Variants in ABTB2 observed in about 807,000 individuals in gnomAD.
The protein encoded by ABTB2 is ankyrin repeat and BTB/POZ domain-containing protein 2.
Under a neutral mutation model 104.1 loss-of-function variants are expected in ABTB2, and 56 were observed. The ratio of observed to expected loss-of-function variants is 0.54; its 90% CI spans 0.43 to 0.67. ABTB2 has a LOEUF of 0.67. ABTB2 is among the 30% of genes least tolerant of loss of function. ABTB2 has a pLI of 0.00. For synonymous variants in ABTB2, 606 were observed against 608.2 expected (o/e 1.00, Z 0.05); for missense variants, 1,279 against 1,407.7 (o/e 0.91, Z 1.46).
At chr11:34,323,228 G>T (rs1286699088) in intron 1 of ABTB2, among the ~76,000 whole-genome samples, 2 of 152,122 alleles carry the variant, frequency 1.3e-5, no homozygotes, top group African/African-American at 2.4e-5. Flanking sequence ...TTTTTTAAGG[G>T]ATACATACTG....
chr11:34,164,751 G>C lies in ABTB2; in HGVS notation c.1923C>G (p.His641Gln). 1 of 1,558,212 alleles carries C rather than the reference G, an allele frequency of 6.4e-7. No individual in the cohort carries two copies. ...CCTCGTGGAGGGAGGAGCCCATGCC[G>C]TGGGCCTCCAGCATGCTGAGGAGGG... The part of the protein sequence containing the change: ...ADPLLSMLEA[H>Q]GMGSSLHEDM... Residue 641 changes from histidine (H) to glutamine (Q), a missense_variant, in exon 9 of 17, where the codon CAC (histidine) becomes CAG (glutamine). His to Gln is a conservative substitution (Grantham distance 24). Coordinates refer to ENST00000435224, the MANE Select transcript of ABTB2 (RefSeq NM_145804.3).
At chr11:34,185,752 C>T (rs559796252) in intron 3 of ABTB2, among the ~76,000 whole-genome samples, 79 of 152,098 alleles carry the variant, frequency 5.2e-4, no homozygotes, top group Non-Finnish European at 8.7e-4. Context: ...CCTGGTATTC[C>T]CTTACACAGT....
At chr11:34,200,198 A>C (rs1853318982) in intron 2 of ABTB2, among the ~76,000 whole-genome samples, 1 of 152,238 alleles carries the variant, frequency 6.6e-6, no homozygotes, top group Admixed American at 6.5e-5. Context: ...GAAATCAAAG[A>C]GTCTGTGATA....
intron 1 of ABTB2, among the ~76,000 whole-genome samples, chr11:34,230,295 GT>G (rs1442637867): frequency 6.6e-6 from 1 of 152,174 alleles, no homozygotes; most frequent in Admixed American, 6.5e-5. Flanking sequence ...AAGCTAAGAA[GT>G]TCCCAAACCA....
At chr11:34,198,057 A>G (rs1198293300) in intron 2 of ABTB2, among the ~76,000 whole-genome samples, 1 of 152,236 alleles carries the variant, frequency 6.6e-6, no homozygotes, top group Non-Finnish European at 1.5e-5. Flanking sequence ...CAAAGTATGC[A>G]ATTCCCCAGA....
intron 1 of ABTB2, among the ~76,000 whole-genome samples, chr11:34,325,786 ACT>A (rs1855062113): frequency 1.3e-5 from 2 of 151,934 alleles, no homozygotes; most frequent in South Asian, 4.2e-4. Flanking sequence ...CCTCATCTCT[ACT>A]GCAAATACAA....
chr11:34,357,892 G>T lies in ABTB2; in HGVS notation c.-309C>A. ...ACAAGCAGAGAGTCAGTCCTCCACA[G>T]AGAAGGAATCCCGGGAGAACAGGGC... On this transcript the variant is annotated 5_prime_UTR_variant, in exon 1 of 17. In the 5' UTR this introduces an upstream ATG that the reference lacks. Transcript: ENST00000435224. 1 of 313,866 alleles carries T rather than the reference G, an allele frequency of 3.2e-6. No homozygotes were observed. Among genetic ancestry groups the T allele is most frequent in the South Asian group, 9.2e-5 (1 of 10,916 alleles). 19.4% of individuals were successfully genotyped at this position (313,866 alleles called of 1,614,324 possible). A position where few individuals can be genotyped will look rare whatever the true frequency, so the allele number is the denominator to read the frequency against.
chr11:34,154,512 T>C lies in ABTB2; in HGVS notation c.2767-134A>G. The C allele has an allele frequency of 1.2e-6, 1 of 847,430 alleles. No homozygotes were observed. The highest frequency in any genetic ancestry group is 1.9e-6 in the Non-Finnish European group (1 of 530,792). 52.5% of individuals were successfully genotyped at this position (847,430 alleles called of 1,614,324 possible). ...AGGCCCCACTACCTTCTGATACTCCTGGGCCTAACCATCCCCGCTGGGACA... is the reference window on the plus strand; with the variant it reads ...AGGCCCCACTACCTTCTGATACTCCCGGGCCTAACCATCCCCGCTGGGACA... On this transcript the variant is annotated intron_variant, in intron 15 of 16. Coordinates refer to ENST00000435224, the MANE Select transcript of ABTB2 (RefSeq NM_145804.3). The surrounding 1 kb of genome is among the most constrained non-coding windows in gnomAD (Gnocchi z 4.9).
At chr11:34,277,148 C>T (rs1295932624) in intron 1 of ABTB2, among the ~76,000 whole-genome samples, 1 of 152,150 alleles carries the variant, frequency 6.6e-6, no homozygotes, top group Non-Finnish European at 1.5e-5. Flanking sequence ...GTGACCTACC[C>T]GACTCAGCCT....
chr11:34,228,148 A>C (rs112765539), intron 1 of ABTB2, among the ~76,000 whole-genome samples: 16 of 64,816 alleles, frequency 2.5e-4, no homozygotes, highest in Middle Eastern at 0.016. Flanking sequence ...CAACCTCTGC[A>C]TCCCAGGTTC....
chr11:34,197,540 T>G lies in ABTB2; in HGVS notation c.1031-2A>C. On this transcript the variant is annotated splice_acceptor_variant, in intron 2 of 16. Coordinates refer to ENST00000435224, the MANE Select transcript of ABTB2 (RefSeq NM_145804.3). LOFTEE classifies it high-confidence loss of function. Reference sequence around the variant, plus strand: ...GCATGGCACGGGAGACCAAGTCACCTGGTGGGGGGCGGGGAGGGCAGAGGG... The same window carrying G: ...GCATGGCACGGGAGACCAAGTCACCGGGTGGGGGGCGGGGAGGGCAGAGGG... The G allele has an allele frequency of 6.4e-7, 1 of 1,565,172 alleles. No individual in the cohort carries two copies. Among genetic ancestry groups the G allele is most frequent in the South Asian group, 1.1e-5 (1 of 87,120 alleles).
At position 34,165,308 on chromosome 11, in the gene ABTB2, C is replaced by T. The variant is rs758340743; in HGVS notation, c.1804G>A (p.Gly602Ser). Residue 602 changes from glycine to serine, a missense_variant, in exon 8 of 17, where the codon GGC becomes AGC. Gly to Ser is a moderately conservative substitution (Grantham distance 56). Transcript: ENST00000435224. Reference sequence around the variant, plus strand: ...GGCGTCTCCGCATAGCTGTCCTCGCCGCCGTTCACTGCCGAGCCCTCGACA... The same window carrying T: ...GGCGTCTCCGCATAGCTGTCCTCGCTGCCGTTCACTGCCGAGCCCTCGACA... Reference protein sequence around the residue: ...AHVEGSAVNGGEDSYAETPLQ... With the variant: ...AHVEGSAVNGSEDSYAETPLQ... 3.0e-5 allele frequency: 47 copies of T among 1,579,000 alleles called. No homozygotes were observed. Among genetic ancestry groups the T allele is most frequent in the Admixed American group, 9.1e-5 (5 of 55,176 alleles).
chr11:34,305,028 C>A (rs191208291), intron 1 of ABTB2, among the ~76,000 whole-genome samples: 1 of 152,206 alleles, frequency 6.6e-6, no homozygotes, highest in East Asian at 1.9e-4. Context: ...AGCCTAATAC[C>A]TAAGCAAGGT....
chr11:34,356,813 G>A lies in ABTB2; in HGVS notation c.771C>T (p.Ala257=). ...CCTCAGCAGACACCTCCCCGCCTCC[G>A]GCCCCTCCGCCATCAGGGCTGTGGC... ...MASHSPDGGG[A]GGGEVSAEAL... Residue 257 remains alanine (A), a synonymous_variant, in exon 1 of 17, where the codon GCC becomes GCT. Coordinates refer to ENST00000435224, the MANE Select transcript of ABTB2 (RefSeq NM_145804.3). The surrounding 1 kb of genome is among the most constrained non-coding windows in gnomAD (Gnocchi z 4.6). The A allele has an allele frequency of 1.2e-6, 2 of 1,607,534 alleles. No homozygotes were observed. The highest frequency in any genetic ancestry group is 1.1e-5 in the South Asian group (1 of 89,764).
chr11:34,281,156 T>C (rs761706517), intron 1 of ABTB2, among the ~76,000 whole-genome samples: 4 of 152,194 alleles, frequency 2.6e-5, no homozygotes, highest in Non-Finnish European at 1.5e-5. Context: ...TGGTCCCTCC[T>C]GGCCCAGGAA....
chr11:34,168,088 C>T, intron 5 of ABTB2, 96 bp from the exon 6 acceptor site: 2 of 1,235,290 alleles, frequency 1.6e-6, no homozygotes, highest in Non-Finnish European at 1.2e-6. Flanking sequence ...GATCGGGCAC[C>T]CCGCCACCCC....
intron 1 of ABTB2, among the ~76,000 whole-genome samples, chr11:34,303,358 G>T (rs1483030146): frequency 6.6e-6 from 1 of 152,134 alleles, no homozygotes; most frequent in Non-Finnish European, 1.5e-5. Flanking sequence ...AACCAGTCAA[G>T]CATGTTTTAC....
intron 1 of ABTB2, among the ~76,000 whole-genome samples, chr11:34,223,690 A>ATCAGCC (rs1043268390): frequency 6.6e-6 from 1 of 152,174 alleles, no homozygotes; most frequent in Admixed American, 6.5e-5. Context: ...GCGCCCCGGC[A>ATCAGCC]TCAGCCTCAG....
At chr11:34,299,761 C>A (rs1035876539) in intron 1 of ABTB2, among the ~76,000 whole-genome samples, 13 of 152,242 alleles carry the variant, frequency 8.5e-5, no homozygotes. Flanking sequence ...CCAATCTGCA[C>A]TCCTCTTACA....
Sources: gnomAD v4.1 joint callset for allele counts (sites outside exome capture counted in the v4.1 genomes callset) on GRCh38, gnomAD v4.1.1 for gene constraint, Gnocchi (gnomAD v3.1) non-coding constraint, MANE v1.5 for transcripts, NCBI Gene and HGNC (gene_info 2026-07-23, HGNC 2026-07-21) for gene names.